TENM2: variants seen among roughly 807,000 people sequenced by gnomAD.
TENM2 encodes teneurin-2.
In TENM2, 52 loss-of-function variants were observed where a neutral mutation model predicts 245.2. That is an observed-to-expected ratio of 0.21 (90% confidence interval 0.17 to 0.27). The LOEUF (loss-of-function observed/expected upper bound fraction) is 0.27, where lower values mean the gene tolerates loss of function less well. TENM2 is among the 10% of genes least tolerant of loss of function. The pLI is 1.00. For missense variants in TENM2, 3,046 were observed against 3,666.8 expected, an observed-to-expected ratio of 0.83 and a Z score of 4.37; for synonymous variants, 1,363 against 1,438.9, an observed-to-expected ratio of 0.95 and a Z score of 1.19.
chr5:166,997,757 A>G, the TENM2 span, among the ~76,000 whole-genome samples: 1 of 152,224 alleles, frequency 6.6e-6, no homozygotes, highest in South Asian at 2.1e-4. Context: ...TGTAGGCATC[A>G]GATCATCCAT....
At chr5:168,184,952 G>A (rs957717538) in intron 13 of TENM2, among the ~76,000 whole-genome samples, 3 of 152,230 alleles carry the variant, frequency 2.0e-5, no homozygotes, top group Non-Finnish European at 2.9e-5. Flanking sequence ...AAAGGGGATT[G>A]TGTCTCACAG....
the TENM2 span, among the ~76,000 whole-genome samples, chr5:167,045,541 C>T: frequency 6.6e-5 from 10 of 152,186 alleles, no homozygotes; most frequent in Non-Finnish European, 1.0e-4. Context: ...GCCCTGGCAC[C>T]TTCCTCAGCT....
At chr5:167,744,060 A>C (rs2150605536) in intron 2 of TENM2, among the ~76,000 whole-genome samples, 1 of 152,354 alleles carries the variant, frequency 6.6e-6, no homozygotes, top group South Asian at 2.1e-4. Flanking sequence ...AATTCTAGAA[A>C]CCAGCAGAAG....
intron 2 of TENM2, among the ~76,000 whole-genome samples, chr5:167,695,726 T>TA (rs869300441): frequency 0.015 from 2,112 of 141,414 alleles, 18 homozygotes; most frequent in Middle Eastern, 0.042. Context: ...AATGGTGATT[T>TA]AAAAAAAAAA....
chr5:167,925,496 AC>A (rs1311093141), intron 3 of TENM2, among the ~76,000 whole-genome samples: 1 of 152,212 alleles, frequency 6.6e-6, no homozygotes, highest in Non-Finnish European at 1.5e-5. Flanking sequence ...TGCTTAAGAC[AC>A]TGCTGGTGGG....
intron 2 of TENM2, among the ~76,000 whole-genome samples, chr5:167,711,653 G>C (rs1208387926): frequency 6.6e-6 from 1 of 152,150 alleles, no homozygotes; most frequent in Admixed American, 6.5e-5. Context: ...ATTCAGCCAG[G>C]TACTGGTGCT....
chr5:167,342,042 A>G (rs1268548753), intron 1 of TENM2, among the ~76,000 whole-genome samples: 3 of 152,208 alleles, frequency 2.0e-5, no homozygotes, highest in Non-Finnish European at 2.9e-5. Context: ...TGTGTGCCTG[A>G]CACACCCAAT....
At chr5:167,958,327 C>T (rs925168074) in intron 4 of TENM2, among the ~76,000 whole-genome samples, 6 of 152,068 alleles carry the variant, frequency 3.9e-5, no homozygotes, top group African/African-American at 1.4e-4. Flanking sequence ...TTTCCATTTG[C>T]TTGGTAGACA....
At chr5:168,224,886 G>A (rs1249781540) in intron 23 of TENM2, among the ~76,000 whole-genome samples, 1 of 152,168 alleles carries the variant, frequency 6.6e-6, no homozygotes, top group Non-Finnish European at 1.5e-5. Context: ...GTGTGAGAAG[G>A]GCCCAGCTCT....
the TENM2 span, among the ~76,000 whole-genome samples, chr5:167,009,335 T>G: frequency 2.6e-5 from 4 of 152,206 alleles, no homozygotes; most frequent in Non-Finnish European, 5.9e-5. Flanking sequence ...TTGTTTCCTT[T>G]TTGATACATT....
intron 2 of TENM2, among the ~76,000 whole-genome samples, chr5:167,663,138 T>C (rs1424261602): frequency 1.1e-5 from 1 of 91,312 alleles, no homozygotes; most frequent in Admixed American, 1.1e-4. Flanking sequence ...AGAATGGGGA[T>C]GGGGAGAGAG....
intron 1 of TENM2, among the ~76,000 whole-genome samples, chr5:167,298,156 C>T (rs779635874): frequency 1.3e-5 from 2 of 151,948 alleles, no homozygotes; most frequent in Non-Finnish European, 2.9e-5. Flanking sequence ...AGGGCTGCCT[C>T]GAGCGGGATT....
At chr5:167,952,115 C>A (rs1487982949) in intron 3 of TENM2, among the ~76,000 whole-genome samples, 1 of 152,174 alleles carries the variant, frequency 6.6e-6, no homozygotes, top group Non-Finnish European at 1.5e-5. Flanking sequence ...CACCTTCCTG[C>A]CTAGTCCCTA....
chr5:168,025,383 A>G (rs1786515194), intron 5 of TENM2, among the ~76,000 whole-genome samples: 1 of 152,238 alleles, frequency 6.6e-6, no homozygotes, highest in African/African-American at 2.4e-5. Context: ...ACTTCCCTAT[A>G]GTAGCAATTC....
At chr5:168,007,953 C>A (rs547983782) in intron 5 of TENM2, among the ~76,000 whole-genome samples, 2 of 152,020 alleles carry the variant, frequency 1.3e-5, no homozygotes, top group African/African-American at 2.4e-5. Flanking sequence ...TTTTCATAGT[C>A]ACTCTATGTA....
intron 1 of TENM2, among the ~76,000 whole-genome samples, chr5:167,345,636 C>G (rs1460000730): frequency 6.6e-6 from 1 of 152,058 alleles, no homozygotes; most frequent in Non-Finnish European, 1.5e-5. Context: ...CTGGCATTTA[C>G]AAATTTTTAT....
chr5:167,160,351 G>C, the TENM2 span, among the ~76,000 whole-genome samples: 1 of 152,192 alleles, frequency 6.6e-6, no homozygotes, highest in Non-Finnish European at 1.5e-5. Context: ...GCTTTCAATG[G>C]TCCCTACCAC....
intron 2 of TENM2, among the ~76,000 whole-genome samples, chr5:167,766,126 T>C (rs1173198865): frequency 6.6e-6 from 1 of 152,058 alleles, no homozygotes; most frequent in East Asian, 1.9e-4. Flanking sequence ...AGAGAAGAAA[T>C]CACGAGGAGG....
intron 7 of TENM2, among the ~76,000 whole-genome samples, chr5:168,083,221 G>A (rs777258989): frequency 6.6e-6 from 1 of 152,192 alleles, no homozygotes; most frequent in South Asian, 2.1e-4. Context: ...AGCAATAACC[G>A]AGGATCCGTT....
Sources: gnomAD v4.1 joint callset for allele counts (sites outside exome capture counted in the v4.1 genomes callset) on GRCh38, gnomAD v4.1.1 for gene constraint, MANE v1.5 for transcripts, NCBI Gene and HGNC (gene_info 2026-07-23, HGNC 2026-07-21) for gene names.